UFD1: variants seen among roughly 807,000 people sequenced by gnomAD.
UFD1 encodes ubiquitin recognition factor in ER-associated degradation protein 1.
A neutral mutation model predicts 45.9 loss-of-function variants in UFD1; 13 were observed. The ratio of observed to expected loss-of-function variants is 0.28; its 90% CI spans 0.18 to 0.45. The LOEUF is 0.45. Ranked by LOEUF, UFD1 falls within the 20% of genes least tolerant of loss-of-function variation. The probability of loss-of-function intolerance (pLI) is 1.00; values close to 1 mark genes in which losing one functional copy is unlikely to be tolerated. For missense variants in UFD1, 218 were observed against 389.2 expected (o/e 0.56, Z 3.70); for synonymous variants, 128 against 139.2 (o/e 0.92, Z 0.56).
chr22:19,464,876 C>T (rs572199949), intron 6 of UFD1, among the ~76,000 whole-genome samples: 1 of 152,362 alleles, frequency 6.6e-6, no homozygotes, highest in East Asian at 1.9e-4. Flanking sequence ...CTCCACAGCC[C>T]TGCAAAGGGC....
At chr22:19,472,663 G>A (rs946622990) in intron 3 of UFD1, among the ~76,000 whole-genome samples, 1 of 152,238 alleles carries the variant, frequency 6.6e-6, no homozygotes, top group Non-Finnish European at 1.5e-5. Context: ...TGATGGTAGT[G>A]ATGGTGTTTG....
At chr22:19,471,414 A>G in intron 4 of UFD1, 1 of 708,374 alleles carries the variant, frequency 1.4e-6, no homozygotes, top group South Asian at 1.4e-5. Flanking sequence ...CGCCTCACCC[A>G]GGAAATCACA....
At chr22:19,479,060 G>C (rs778364290) in intron 1 of UFD1, 23 bp downstream of exon 1, 2 of 1,341,716 alleles carry the variant, frequency 1.5e-6, no homozygotes, top group Non-Finnish European at 2.0e-6. Context: ...CCCAGCCCCC[G>C]CCCGCTGCCC....
At chr22:19,470,914 C>T (rs116930267) in intron 4 of UFD1, 6 of 441,482 alleles carry the variant, frequency 1.4e-5, no homozygotes, top group South Asian at 4.8e-5. Flanking sequence ...CAGCTCACTG[C>T]GGGGTCTCTC....
intron 3 of UFD1, among the ~76,000 whole-genome samples, chr22:19,474,568 A>ATAAC (rs1443837478): frequency 6.6e-6 from 1 of 152,110 alleles, no homozygotes; most frequent in East Asian, 1.9e-4. Context: ...AAATAAATAA[A>ATAAC]TAAAAGAAAA....
chr22:19,458,376 T>C (rs1476817117), intron 6 of UFD1, among the ~76,000 whole-genome samples: 1 of 152,246 alleles, frequency 6.6e-6, no homozygotes, highest in Non-Finnish European at 1.5e-5. Context: ...AAGGTAGTTA[T>C]ACAGCTAACT....
chr22:19,469,562 G>A (rs1601898965), intron 4 of UFD1, among the ~76,000 whole-genome samples: 2 of 152,180 alleles, frequency 1.3e-5, no homozygotes, highest in Non-Finnish European at 2.9e-5. Flanking sequence ...TGTCACAAAC[G>A]GCTAGTCCAG....
intron 5 of UFD1, 79 bp from the exon 6 acceptor site, chr22:19,465,353 TGGTA>T (rs1446009458): frequency 3.2e-6 from 4 of 1,253,824 alleles, no homozygotes; most frequent in Non-Finnish European, 3.5e-6. Context: ...AGATGATTAC[TGGTA>T]GGTAGAGACT....
At chr22:19,470,542 A>G (rs929185261) in intron 4 of UFD1, 2 of 354,160 alleles carry the variant, frequency 5.6e-6, no homozygotes, top group Non-Finnish European at 1.1e-5. Flanking sequence ...CCTGGGTTTA[A>G]GCCATTCTCT....
At chr22:19,477,469 G>A (rs1203539854) in intron 1 of UFD1, among the ~76,000 whole-genome samples, 1 of 152,176 alleles carries the variant, frequency 6.6e-6, no homozygotes, top group African/African-American at 2.4e-5. Flanking sequence ...TCCGCTTCTA[G>A]GAAGTACCTA....
chr22:19,456,817 A>G (rs1428040634), intron 8 of UFD1, 36 bp downstream of exon 8: 2 of 1,614,080 alleles, frequency 1.2e-6, no homozygotes, highest in Admixed American at 1.7e-5. Context: ...AGCAGCATGC[A>G]GCAGGACAGC....
intron 7 of UFD1, 81 bp from the exon 8 acceptor site, chr22:19,456,999 T>C: frequency 1.1e-6 from 1 of 919,202 alleles, no homozygotes. Context: ...TTGAGACAAC[T>C]GTAGATTCAC....
In UFD1 at chr22:19,461,333, G is replaced by T. The variant is rs557975719; in HGVS notation, c.496-3194C>A. ...CATCTTAGGAATAGTCAATATCCCA[G>T]ATTCCGCAACCCCAGTATCTCCTTT... is the stretch of plus-strand genomic sequence containing the variant. On this transcript the variant is annotated intron_variant, in intron 6 of 11. Coordinates refer to ENST00000263202, the MANE Select transcript of UFD1 (RefSeq NM_005659.7). Among the ~76,000 whole-genome samples, 8 of 152,280 alleles carry T rather than the reference G, an allele frequency of 5.3e-5. No homozygotes were observed. The South Asian group carries it at 1.2e-3, about 24-fold the overall frequency.
intron 5 of UFD1, chr22:19,466,197 C>T (rs1156976248): frequency 6.6e-6 from 1 of 152,184 alleles, no homozygotes. Flanking sequence ...TATGAAGTGC[C>T]ACGGTACGAA....
At chr22:19,470,232 A>G (rs2238771) in intron 4 of UFD1, among the ~76,000 whole-genome samples, 133,546 of 152,146 alleles carry the variant, frequency 0.88, 58,907 homozygotes, top group African/African-American at 0.97. Context: ...GGGCAGGCCT[A>G]GTCAGCTGAG....
intron 6 of UFD1, among the ~76,000 whole-genome samples, chr22:19,460,490 T>A (rs1354837298): frequency 2.6e-5 from 4 of 152,174 alleles, no homozygotes; most frequent in South Asian, 2.1e-4. Context: ...ACTTTTTTTT[T>A]AAACTATGGG....
chr22:19,451,908 T>C, intron 11 of UFD1: 1 of 985,452 alleles, frequency 1.0e-6, no homozygotes, highest in Non-Finnish European at 1.2e-6. Context: ...GTGCCGTACA[T>C]GTTAGTGGGG....
chr22:19,458,506 C>G (rs1486256622), intron 6 of UFD1, among the ~76,000 whole-genome samples: 1 of 152,158 alleles, frequency 6.6e-6, no homozygotes, highest in African/African-American at 2.4e-5. Context: ...TGCAGTGGTG[C>G]GATCTTGGCT....
Position 19,454,502 on chromosome 22 carries a change from T to C in UFD1, c.849+247A>G. On this transcript the variant is annotated intron_variant, in intron 11 of 11. Transcript: ENST00000263202. ...TGTTTCCCTGCACCAGCTTTTTCTC[T>C]GCCTGCTACCATCCATGTAAGATGT... The C allele has an allele frequency of 3.6e-6, 3 of 840,416 alleles. No homozygotes were observed. In the South Asian group the frequency reaches 6.0e-5, roughly 17 times the overall value. 52.1% of individuals were successfully genotyped at this position (840,416 alleles called of 1,614,324 possible). A position where few individuals can be genotyped will look rare whatever the true frequency, so the allele number is the denominator to read the frequency against.
Sources: allele counts gnomAD v4.1 joint callset (sites outside exome capture counted in the v4.1 genomes callset), GRCh38; gene constraint gnomAD v4.1.1; transcripts MANE v1.5; gene names NCBI Gene and HGNC (gene_info 2026-07-23, HGNC 2026-07-21).